Variants in DMD observed in about 807,000 individuals in gnomAD.
DMD encodes mutant dystrophin.
In DMD, 63 loss-of-function variants were observed where a neutral mutation model predicts 330.1. That is an observed-to-expected ratio of 0.19 (90% CI 0.16 to 0.24). The LOEUF (loss-of-function observed/expected upper bound fraction) is 0.24, where lower values mean the gene tolerates loss of function less well. Among genes scored for constraint, DMD ranks in the 10% least tolerant of loss-of-function variants. The pLI is 1.00. For synonymous variants in DMD, 1,223 were observed against 959.8 expected, an observed-to-expected ratio of 1.27 and a Z score of -5.07; for missense variants, 3,344 against 2,684.1, an observed-to-expected ratio of 1.25 and a Z score of -5.43.
intron 72 of DMD, among the ~76,000 whole-genome samples, 158 bp downstream of exon 72, chrX:31,173,381 T>C (rs72466540): frequency 2.7e-5 from 3 of 111,934 alleles, no homozygotes; most frequent in African/African-American, 6.5e-5. Flanking sequence ...AAAAACAACA[T>C]GCAGTGGAAC....
rs1907947328 is a variant in DMD, at chrX:32,380,399, CAATATT to C, written c.4845+105_4845+110del. The stretch of plus-strand genomic sequence containing the variant: ...AATTTTTAAGAAAGGGAATATGAAA[CAATATT>C]AATATTTATAATGCTATTATTGCTA... On this transcript the variant is annotated intron_variant, in intron 34 of 78. Coordinates refer to ENST00000357033, the MANE Select transcript of DMD (RefSeq NM_004006.3). 8.2e-6 allele frequency: 6 copies of C among 728,179 alleles called. No individual in the cohort carries two copies. The Admixed American group carries it at 1.6e-4, about 19-fold the overall frequency. 60.0% of individuals were successfully genotyped at this position (728,179 alleles called of 1,213,427 possible).
chrX:32,266,626 C>A (rs1448831399), intron 43 of DMD, among the ~76,000 whole-genome samples: 1 of 111,265 alleles, frequency 9.0e-6, no homozygotes, highest in African/African-American at 3.3e-5. Flanking sequence ...TAATGGAAAA[C>A]GTTTCATATT....
chrX:31,396,144 T>TG (rs1416753152), intron 60 of DMD, among the ~76,000 whole-genome samples: 75 of 102,523 alleles, frequency 7.3e-4, no homozygotes, highest in African/African-American at 2.9e-3. Flanking sequence ...ACAATTTTTT[T>TG]TTTTTTTTTT....
chrX:31,230,863 ACTT>A (rs1382497972), intron 63 of DMD, among the ~76,000 whole-genome samples: 2 of 112,003 alleles, frequency 1.8e-5, no homozygotes, highest in African/African-American at 6.5e-5. Flanking sequence ...GAATCTCACT[ACTT>A]CTTAGCAACA....
intron 7 of DMD, among the ~76,000 whole-genome samples, chrX:32,783,268 A>T (rs868743460): frequency 2.0e-5 from 2 of 100,073 alleles, no homozygotes; most frequent in African/African-American, 7.1e-5. Context: ...ATACACATAT[A>T]TGGTATATAT....
intron 30 of DMD, among the ~76,000 whole-genome samples, chrX:32,409,289 G>A (rs1448664437): frequency 9.0e-6 from 1 of 111,604 alleles, no homozygotes; most frequent in South Asian, 3.7e-4. Flanking sequence ...GACCTGAAAT[G>A]CATGGAAAAT....
At chrX:33,213,105 G>C (rs769691852), upstream of DMD, among the ~76,000 whole-genome samples, 5 of 111,547 alleles carry the variant, frequency 4.5e-5, no homozygotes, top group East Asian at 1.4e-3. Context: ...GACCTCAAAA[G>C]TCAGAAATTC....
intron 7 of DMD, among the ~76,000 whole-genome samples, chrX:32,702,451 CT>C (rs2064221479): frequency 9.0e-6 from 1 of 111,073 alleles, no homozygotes; most frequent in Non-Finnish European, 1.9e-5. Context: ...GCAACAGTGG[CT>C]TTGTGTGTCT....
intron 30 of DMD, among the ~76,000 whole-genome samples, chrX:32,401,872 C>T (rs746634003): frequency 8.9e-6 from 1 of 111,984 alleles, no homozygotes; most frequent in African/African-American, 3.2e-5. Context: ...ATAGAAATAA[C>T]GTATTTTCAA....
chrX:31,498,329 T>C (rs1417846733), intron 56 of DMD, among the ~76,000 whole-genome samples: 3 of 112,207 alleles, frequency 2.7e-5, no homozygotes, highest in Admixed American at 9.5e-5. Flanking sequence ...TCAAATGTAA[T>C]GAAACTTGTA....
At chrX:31,937,012 G>A (rs1603616642) in intron 45 of DMD, among the ~76,000 whole-genome samples, 2 of 111,026 alleles carry the variant, frequency 1.8e-5, no homozygotes, top group South Asian at 7.4e-4. Flanking sequence ...TTTCTGGTAG[G>A]TTAACCCGCT....
intron 43 of DMD, among the ~76,000 whole-genome samples, chrX:32,241,877 G>A (rs945129974): frequency 4.5e-5 from 5 of 110,552 alleles, no homozygotes; most frequent in African/African-American, 9.9e-5. Flanking sequence ...CCAGCATAAC[G>A]TATATTTTTC....
intron 63 of DMD, among the ~76,000 whole-genome samples, chrX:31,254,337 A>AC (rs201996687): frequency 2.1e-3 from 224 of 106,081 alleles, no homozygotes; most frequent in African/African-American, 5.4e-3. Flanking sequence ...TAATTAAGAG[A>AC]CCCCCCCCCA....
At chrX:33,019,803 A>G (rs1300985235) in intron 2 of DMD, among the ~76,000 whole-genome samples, 5 of 111,344 alleles carry the variant, frequency 4.5e-5, no homozygotes, top group African/African-American at 1.6e-4. Flanking sequence ...TTCACAACAA[A>G]ATTCCCTCAT....
At position 31,679,466 on chromosome X, in the gene DMD, T is replaced by C. The variant is rs777178221; in HGVS notation, c.7781A>G (p.Gln2594Arg). 42 of 1,210,572 alleles carry C rather than the reference T, an allele frequency of 3.5e-5. 1 individual carries two copies. The Middle Eastern group carries it at 9.1e-4, about 26-fold the overall frequency. The change falls in exon 53 of 79, where the codon CAG becomes CGG. Residue 2594 changes from glutamine to arginine, a missense_variant. By Grantham distance (43) the Gln-to-Arg change is conservative. Coordinates refer to ENST00000357033, the MANE Select transcript of DMD (RefSeq NM_004006.3). ...CTTGGCTCTGGCCTGTCCTAAGACC[T>C]GCTCAGCTTCTTCCTTAGCTTCCAG... is the stretch of plus-strand genomic sequence containing the variant. ...QWLEAKEEAEQVLGQARAKLE... is the reference protein window; with the variant it reads ...QWLEAKEEAERVLGQARAKLE...
chrX:32,200,330 A>G (rs764720982), intron 44 of DMD, among the ~76,000 whole-genome samples: 3 of 112,090 alleles, frequency 2.7e-5, no homozygotes, highest in Non-Finnish European at 5.6e-5. Context: ...AAATAGGGTA[A>G]ATTTGACTTT....
chrX:32,326,229 T>C (rs189138368), intron 41 of DMD, among the ~76,000 whole-genome samples: 311 of 111,999 alleles, frequency 2.8e-3, no homozygotes, highest in African/African-American at 9.8e-3. Context: ...TGCATTCTAT[T>C]CTTCTTTGAA....
chrX:32,546,144 C>G (rs1460457443), intron 16 of DMD, among the ~76,000 whole-genome samples: 3 of 102,602 alleles, frequency 2.9e-5, no homozygotes, highest in Non-Finnish European at 5.9e-5. Context: ...GAGGCCATCA[C>G]CTCAATACAT....
At chrX:32,900,214 A>G (rs980261208) in intron 2 of DMD, among the ~76,000 whole-genome samples, 2 of 112,258 alleles carry the variant, frequency 1.8e-5, no homozygotes, top group Admixed American at 9.5e-5. Flanking sequence ...ATACATACAC[A>G]TCTGGTAAAA....
Sources: gnomAD v4.1 joint callset for allele counts (sites outside exome capture counted in the v4.1 genomes callset) on GRCh38, gnomAD v4.1.1 for gene constraint, MANE v1.5 for transcripts, NCBI Gene and HGNC (gene_info 2026-07-23, HGNC 2026-07-21) for gene names.